The following PALM2AKAP2 variants were observed in gnomAD, a reference collection of about 807,000 sequenced individuals.
PALM2AKAP2 encodes the protein PALM2-AKAP2 fusion protein.
Under a neutral mutation model 71.5 loss-of-function variants are expected in PALM2AKAP2, and 37 were observed. The ratio of observed to expected loss-of-function variants is 0.52; its 90% CI spans 0.40 to 0.68. The LOEUF is 0.68. Ranked by LOEUF, PALM2AKAP2 falls within the 30% of genes least tolerant of loss-of-function variation. PALM2AKAP2 has a pLI of 0.00. For synonymous variants in PALM2AKAP2, 468 were observed against 478.8 expected (o/e 0.98, Z 0.29); for missense variants, 1,224 against 1,191.8 (o/e 1.03, Z -0.40).
chr9:109,977,695 G>A (rs1475792113), intron 6 of PALM2AKAP2, among the ~76,000 whole-genome samples: 1 of 152,186 alleles, frequency 6.6e-6, no homozygotes, highest in Non-Finnish European at 1.5e-5. Flanking sequence ...CACAGGAAGA[G>A]CAAGGGTGCC....
chr9:109,843,490 T>C (rs1828765763), intron 1 of PALM2AKAP2, among the ~76,000 whole-genome samples: 1 of 152,144 alleles, frequency 6.6e-6, no homozygotes, highest in Non-Finnish European at 1.5e-5. Context: ...CAGTAGTACA[T>C]GTGTATTACT....
At chr9:109,944,023 A>G (rs1200096274) in intron 6 of PALM2AKAP2, 1 of 152,742 alleles carries the variant, frequency 6.5e-6, no homozygotes, top group Non-Finnish European at 1.5e-5. Flanking sequence ...TTCTGTTAAA[A>G]CTGAAATGAA....
At chr9:110,035,234 TATA>T (rs1833360967) in intron 7 of PALM2AKAP2, among the ~76,000 whole-genome samples, 1 of 139,834 alleles carries the variant, frequency 7.2e-6, no homozygotes, top group African/African-American at 2.6e-5. Context: ...ATATATATAA[TATA>T]ATATATAATT....
intron 1 of PALM2AKAP2, among the ~76,000 whole-genome samples, chr9:109,739,913 T>G (rs1038232097): frequency 5.9e-5 from 9 of 152,204 alleles, no homozygotes; most frequent in African/African-American, 2.2e-4. Context: ...TCATCTTGCT[T>G]TGTGACTTCT....
chr9:109,697,507 T>A (rs182351594), intron 1 of PALM2AKAP2, among the ~76,000 whole-genome samples: 59 of 152,276 alleles, frequency 3.9e-4, no homozygotes, highest in African/African-American at 1.4e-3. Flanking sequence ...ATTTCAACAG[T>A]GGTAAAAAAG....
At chr9:110,165,094 A>G (rs1178608047) in intron 3 of PALM2AKAP2, among the ~76,000 whole-genome samples, 2 of 152,166 alleles carry the variant, frequency 1.3e-5, no homozygotes, top group Non-Finnish European at 2.9e-5. Flanking sequence ...TGGGAGTAAT[A>G]ACAGCATAAA....
chr9:109,952,641 C>G (rs924641243), intron 6 of PALM2AKAP2, among the ~76,000 whole-genome samples: 1 of 152,222 alleles, frequency 6.6e-6, no homozygotes, highest in East Asian at 1.9e-4. Flanking sequence ...CCCTATGTAC[C>G]TAAGCATTTA....
intron 1 of PALM2AKAP2, among the ~76,000 whole-genome samples, chr9:110,086,728 A>G (rs1479659149): frequency 6.6e-6 from 1 of 152,214 alleles, no homozygotes; most frequent in Non-Finnish European, 1.5e-5. Flanking sequence ...AGTATTTTCC[A>G]TCCCTGTCCT....
intron 7 of PALM2AKAP2, among the ~76,000 whole-genome samples, chr9:110,017,448 G>T (rs1328229431): frequency 6.6e-6 from 1 of 152,180 alleles, no homozygotes; most frequent in East Asian, 1.9e-4. Context: ...AATATAAATT[G>T]CAATGACATG....
At chr9:109,831,028 T>C (rs1420910568) in intron 1 of PALM2AKAP2, among the ~76,000 whole-genome samples, 1 of 152,026 alleles carries the variant, frequency 6.6e-6, no homozygotes, top group Non-Finnish European at 1.5e-5. Flanking sequence ...CCCCAGATCT[T>C]TGGGGAGAAA....
chr9:110,069,824 G>A (rs570509507), intron 1 of PALM2AKAP2, among the ~76,000 whole-genome samples: 2 of 152,314 alleles, frequency 1.3e-5, no homozygotes, highest in South Asian at 2.1e-4. Flanking sequence ...ACCGGCTTCC[G>A]CCTGGTATGA....
chr9:109,832,940 G>A (rs762033746), intron 1 of PALM2AKAP2, among the ~76,000 whole-genome samples: 30 of 152,120 alleles, frequency 2.0e-4, no homozygotes, highest in Middle Eastern at 3.2e-3. Flanking sequence ...TAGGCCTTTG[G>A]GCTCCTTTCG....
chr9:109,694,196 T>G (rs1343453877), intron 1 of PALM2AKAP2, among the ~76,000 whole-genome samples: 2 of 152,074 alleles, frequency 1.3e-5, no homozygotes, highest in East Asian at 1.9e-4. Flanking sequence ...CTAGAAGTTA[T>G]GTACAGGCTA....
At chr9:109,891,757 C>T (rs559590741) in intron 3 of PALM2AKAP2, among the ~76,000 whole-genome samples, 1 of 152,256 alleles carries the variant, frequency 6.6e-6, no homozygotes, top group East Asian at 1.9e-4. Flanking sequence ...TCCCAAAGTG[C>T]TGGGATTACA....
At chr9:109,852,858 G>A (rs1341242609) in intron 1 of PALM2AKAP2, among the ~76,000 whole-genome samples, 1 of 152,026 alleles carries the variant, frequency 6.6e-6, no homozygotes, top group African/African-American at 2.4e-5. Context: ...CATGTCCCTT[G>A]CTCACTTTTT....
intron 1 of PALM2AKAP2, among the ~76,000 whole-genome samples, chr9:110,094,499 C>T (rs1237575812): frequency 6.6e-6 from 1 of 152,182 alleles, no homozygotes. Context: ...GTTCTGGTAT[C>T]CGCTCAGCTT....
At chr9:109,847,860 T>C (rs1339323528) in intron 1 of PALM2AKAP2, among the ~76,000 whole-genome samples, 1 of 152,202 alleles carries the variant, frequency 6.6e-6, no homozygotes, top group African/African-American at 2.4e-5. Flanking sequence ...TGACTTTTGG[T>C]GCCACCATTT....
chr9:110,132,032 CGTGTGTGTGTGTGTGTGT>C (rs3063946), intron 1 of PALM2AKAP2, among the ~76,000 whole-genome samples: 3 of 147,426 alleles, frequency 2.0e-5, no homozygotes, highest in Non-Finnish European at 4.5e-5. Flanking sequence ...AAGTAACTAG[CGTGTGTGTGTGTGTGTGT>C]GTGTGTGTGT....
At chr9:110,037,049 A>T (rs1167783874) in intron 7 of PALM2AKAP2, among the ~76,000 whole-genome samples, 1 of 152,120 alleles carries the variant, frequency 6.6e-6, no homozygotes, top group Admixed American at 6.6e-5. Context: ...TATCTGCATG[A>T]GTGAATTCAA....
Sources: gnomAD v4.1 joint callset for allele counts (sites outside exome capture counted in the v4.1 genomes callset) on GRCh38, gnomAD v4.1.1 for gene constraint, MANE v1.5 for transcripts, NCBI Gene and HGNC (gene_info 2026-07-23, HGNC 2026-07-21) for gene names.